Variants in FBXO6 observed in about 807,000 individuals in gnomAD.
FBXO6 encodes F-box only protein 6.
A neutral mutation model predicts 25.0 loss-of-function variants in FBXO6; 13 were observed. That is an observed-to-expected ratio of 0.52 (90% CI 0.34 to 0.83). The LOEUF is 0.83. Ranked by LOEUF, FBXO6 falls within the 40% of genes least tolerant of loss-of-function variation. FBXO6 has a pLI of 0.02. For synonymous variants in FBXO6, 138 were observed against 155.3 expected (o/e 0.89, Z 0.83); for missense variants, 370 against 380.2 (o/e 0.97, Z 0.22).
At chr1:11,667,270 G>A (rs1274998918) in intron 1 of FBXO6, among the ~76,000 whole-genome samples, 1 of 152,154 alleles carries the variant, frequency 6.6e-6, no homozygotes, top group Non-Finnish European at 1.5e-5. Context: ...GCAGAGCCCT[G>A]GCTGCCGGCC....
Position 11,673,863 on chromosome 1 carries a change from C to T in FBXO6, c.*12C>T, listed in dbSNP as rs1183751799. The T allele has an allele frequency of 1.2e-6, 2 of 1,612,994 alleles. No homozygotes were observed. The highest frequency in any genetic ancestry group is 1.7e-6 in the Non-Finnish European group (2 of 1,179,050). On this transcript the variant is annotated 3_prime_UTR_variant, in exon 6 of 6. Coordinates refer to ENST00000376753, the MANE Select transcript of FBXO6 (RefSeq NM_018438.6). The surrounding 1 kb of genome is among the most constrained non-coding windows in gnomAD (Gnocchi z 4.3). ...TCCAGATTTTCTGACAGCTGTCCAT[C>T]CTGTGTCTGGGTCAGCCAGAGGTTC...
At position 11,667,199 on chromosome 1, in the gene FBXO6, T is replaced by C. The variant is rs114985552; in HGVS notation, c.-3-1457T>C. On this transcript the variant is annotated intron_variant, in intron 1 of 5. Transcript: ENST00000376753. ...GGCCAGCAAGGTTCTGTTTCCCTGC[T>C]TGTAGGTGGAGAACATTCTCTCCTC... is the stretch of plus-strand genomic sequence containing the variant. Among the ~76,000 whole-genome samples the C allele has an allele frequency of 9.6e-3, 1,447 of 151,278 alleles. 10 individuals are homozygous for C. The highest frequency in any genetic ancestry group is 0.031 in the Middle Eastern group (9 of 290).
In FBXO6 at chr1:11,673,421, T is replaced by C; in HGVS notation, c.645+9T>C. 6.2e-7 allele frequency: 1 copy of C among 1,613,180 alleles called. No individual in the cohort carries two copies. Among genetic ancestry groups the C allele is most frequent in the Non-Finnish European group, 8.5e-7 (1 of 1,179,636 alleles). Reference sequence around the variant, plus strand: ...ATGCCACATGGACAGAGGTGAGGCCTCACCCACTTGCTCTCTCTACCCACT... The same window carrying C: ...ATGCCACATGGACAGAGGTGAGGCCCCACCCACTTGCTCTCTCTACCCACT... On this transcript the variant is annotated intron_variant, in intron 5 of 5. Transcript: ENST00000376753. The surrounding 1 kb of genome is among the most constrained non-coding windows in gnomAD (Gnocchi z 4.3).
chr1:11,665,170 G>A, intron 1 of FBXO6, among the ~76,000 whole-genome samples: 1 of 147,122 alleles, frequency 6.8e-6, no homozygotes, highest in East Asian at 2.0e-4. Flanking sequence ...TCAGCCTCCT[G>A]CATAGCTGGG....
rs759022918 is a variant in FBXO6 at position 11,673,765 on chromosome 1, G to A, written c.796G>A (p.Ala266Thr). The change falls in exon 6 of 6, where the codon GCC becomes ACC. Residue 266 changes from alanine to threonine, a missense_variant. Physicochemically the swap from Ala to Thr is moderately conservative, Grantham distance 58 (BLOSUM62 0). Coordinates refer to ENST00000376753, the MANE Select transcript of FBXO6 (RefSeq NM_018438.6). The surrounding 1 kb of genome is among the most constrained non-coding windows in gnomAD (Gnocchi z 4.3). ...CAGCCCCAAGATGACCAGGAACCAGGCCTCCTCCGAGGCTCAGCCTGGGCA... is the reference window on the plus strand; with the variant it reads ...CAGCCCCAAGATGACCAGGAACCAGACCTCCTCCGAGGCTCAGCCTGGGCA... ...VVSPKMTRNQ[A>T]SSEAQPGQKH... 1 of 1,614,104 alleles carries A rather than the reference G, an allele frequency of 6.2e-7. No individual in the cohort carries two copies. Among genetic ancestry groups the A allele is most frequent in the East Asian group, 2.2e-5 (1 of 44,878 alleles).
In FBXO6 at chr1:11,672,086, A is replaced by G. The variant is rs1227057689; in HGVS notation, c.509+63A>G. 5.6e-6 allele frequency: 8 copies of G among 1,429,586 alleles called. No homozygotes were observed. In the East Asian group the frequency reaches 1.9e-4, roughly 33 times the overall value. 88.6% of individuals were successfully genotyped at this position (1,429,586 alleles called of 1,614,324 possible). On this transcript the variant is annotated intron_variant, in intron 4 of 5. Transcript: ENST00000376753. Reference sequence around the variant, plus strand: ...ATGCTCCTCTTACTGCGCTGCATGTACGTGAGACAACCCATAGCAAGTGCC... The same window carrying G: ...ATGCTCCTCTTACTGCGCTGCATGTGCGTGAGACAACCCATAGCAAGTGCC...
At position 11,673,733 on chromosome 1, in the gene FBXO6, T is replaced by C. The variant is rs1346304695; in HGVS notation, c.764T>C (p.Ile255Thr). 1 of 1,613,946 alleles carries C rather than the reference T, an allele frequency of 6.2e-7. No homozygotes were observed. The highest frequency in any genetic ancestry group is 8.5e-7 in the Non-Finnish European group (1 of 1,179,984). The stretch of plus-strand genomic sequence containing the variant: ...GGGCCCCGAGTCACCAACAGCAGCA[T>C]TGTCGTCAGCCCCAAGATGACCAGG... ...WYGPRVTNSSIVVSPKMTRNQ... is the reference protein window; with the variant it reads ...WYGPRVTNSSTVVSPKMTRNQ... The change falls in exon 6 of 6, where the codon ATT becomes ACT. Residue 255 changes from isoleucine to threonine, a missense_variant. Physicochemically the swap from Ile to Thr is moderately conservative, Grantham distance 89 (BLOSUM62 -1). Transcript: ENST00000376753. The surrounding 1 kb of genome is among the most constrained non-coding windows in gnomAD (Gnocchi z 4.3).
chr1:11,664,890 G>C (rs957012718), intron 1 of FBXO6, among the ~76,000 whole-genome samples: 3 of 152,126 alleles, frequency 2.0e-5, no homozygotes, highest in East Asian at 3.9e-4. Flanking sequence ...CAGGGCCGGG[G>C]GGGGGAAGGG....
chr1:11,664,810 C>G (rs977147328), intron 1 of FBXO6: 4 of 152,128 alleles, frequency 2.6e-5, no homozygotes, highest in African/African-American at 9.7e-5. Context: ...CCGGGCCGGG[C>G]AGTTGGGGAC....
chr1:11,673,507 T>C lies in FBXO6; in HGVS notation c.645+95T>C. 6.3e-7 allele frequency: 1 copy of C among 1,577,838 alleles called. No individual in the cohort carries two copies. The highest frequency in any genetic ancestry group is 8.6e-7 in the Non-Finnish European group (1 of 1,158,130). On this transcript the variant is annotated intron_variant, in intron 5 of 5. Coordinates refer to ENST00000376753, the MANE Select transcript of FBXO6 (RefSeq NM_018438.6). The surrounding 1 kb of genome is among the most constrained non-coding windows in gnomAD (Gnocchi z 4.3). ...GCCTCAGGGCCCAGGGTGCCCCTGC[T>C]GGCCTGGAGCTGTTGCCTTCCAGCC...
chr1:11,667,845 C>T (rs1640485960), intron 1 of FBXO6, among the ~76,000 whole-genome samples: 1 of 152,168 alleles, frequency 6.6e-6, no homozygotes, highest in Non-Finnish European at 1.5e-5. Context: ...GTAATCCCAG[C>T]ACTTTGGGAG....
chr1:11,669,665 T>TCTATATATAC (rs1557672895), intron 2 of FBXO6, among the ~76,000 whole-genome samples: 2 of 145,890 alleles, frequency 1.4e-5, no homozygotes, highest in Admixed American at 1.4e-4. Context: ...CATATACACA[T>TCTATATATAC]GTATATATGT....
chr1:11,673,492 C>G lies in FBXO6; in HGVS notation c.645+80C>G. On this transcript the variant is annotated intron_variant, in intron 5 of 5. Coordinates refer to ENST00000376753, the MANE Select transcript of FBXO6 (RefSeq NM_018438.6). This position sits in a 1 kb window ranked among gnomAD's most constrained non-coding sequence, Gnocchi z 4.3. ...AGGAAGCAAAGGGCAGCCTCAGGGC[C>G]CAGGGTGCCCCTGCTGGCCTGGAGC... 1 of 1,583,924 alleles carries G rather than the reference C, an allele frequency of 6.3e-7. No homozygotes were observed. Among genetic ancestry groups the G allele is most frequent in the Non-Finnish European group, 8.6e-7 (1 of 1,161,582 alleles).
chr1:11,673,370 A>G lies in FBXO6; in HGVS notation c.603A>G (p.Pro201=). ...DYFVLASFEP[P]PVTIQQWNNA... Reference sequence around the variant, plus strand: ...TCGTGTTGGCCTCCTTCGAGCCCCCACCTGTGACCATCCAACAGTGGAACA... The same window carrying G: ...TCGTGTTGGCCTCCTTCGAGCCCCCGCCTGTGACCATCCAACAGTGGAACA... The change falls in exon 5 of 6, where the codon CCA becomes CCG. Residue 201 remains proline (P), a synonymous_variant. Transcript: ENST00000376753. The surrounding 1 kb of genome is among the most constrained non-coding windows in gnomAD (Gnocchi z 4.3). The G allele has an allele frequency of 6.2e-7, 1 of 1,613,822 alleles. No homozygotes were observed. The highest frequency in any genetic ancestry group is 8.5e-7 in the Non-Finnish European group (1 of 1,179,970).
intron 3 of FBXO6, among the ~76,000 whole-genome samples, chr1:11,671,597 G>T (rs1640617014): frequency 6.6e-6 from 1 of 152,226 alleles, no homozygotes; most frequent in Admixed American, 6.5e-5. Context: ...CACTGAAGCA[G>T]GCCAGGAGTC....
chr1:11,668,734 A>G lies in FBXO6; in HGVS notation c.76A>G (p.Thr26Ala), dbSNP rs1407307202. ...CGAGAACATCCTGCTGGAGCTGTTC[A>G]CGCACGTGCCCGCCCGCCAGCTGCT... is the stretch of plus-strand genomic sequence containing the variant. ...LPENILLELF[T>A]HVPARQLLLN... The change falls in exon 2 of 6, where the codon ACG (threonine) becomes GCG (alanine). Residue 26 changes from threonine to alanine, a missense_variant. Coordinates refer to ENST00000376753, the MANE Select transcript of FBXO6 (RefSeq NM_018438.6). The G allele has an allele frequency of 6.2e-7, 1 of 1,614,034 alleles. No homozygotes were observed. The highest frequency in any genetic ancestry group is 2.2e-5 in the East Asian group (1 of 44,876).
intron 1 of FBXO6, among the ~76,000 whole-genome samples, chr1:11,667,897 C>T (rs879726824): frequency 3.3e-5 from 5 of 152,086 alleles, no homozygotes; most frequent in Non-Finnish European, 7.4e-5. Context: ...TTGAGACCAT[C>T]CTGGCTAACA....
Position 11,672,178 on chromosome 1 carries a change from C to G in FBXO6, c.509+155C>G, listed in dbSNP as rs895973191. The stretch of plus-strand genomic sequence containing the variant: ...TCCGCCCCTGCTCTGCACCCACACC[C>G]TGCGGCACCTCCTGGCCTCCCCACC... On this transcript the variant is annotated intron_variant, in intron 4 of 5. Transcript: ENST00000376753. 2.3e-5 allele frequency: 15 copies of G among 638,984 alleles called. No individual in the cohort carries two copies. In the African/African-American group the frequency reaches 2.5e-4, roughly 11 times the overall value. The allele number at this position is 638,984 out of a possible 1,614,324, so 39.6% of individuals were successfully genotyped here.
At chr1:11,670,647 G>A (rs1048868086) in intron 2 of FBXO6, among the ~76,000 whole-genome samples, 1 of 151,278 alleles carries the variant, frequency 6.6e-6, no homozygotes, top group South Asian at 2.1e-4. Flanking sequence ...AAGGGGGGGG[G>A]GGTGTCGCTA....
Sources: gnomAD v4.1 joint callset for allele counts (sites outside exome capture counted in the v4.1 genomes callset) on GRCh38, gnomAD v4.1.1 for gene constraint, Gnocchi (gnomAD v3.1) non-coding constraint, MANE v1.5 for transcripts, NCBI Gene and HGNC (gene_info 2026-07-23, HGNC 2026-07-21) for gene names.